The following DYSF variants were observed in gnomAD, a reference collection of about 807,000 sequenced individuals.
The protein encoded by DYSF is dystrophy-associated fer-1-like 1.
A neutral mutation model predicts 274.9 loss-of-function variants in DYSF; 212 were observed. That is an observed-to-expected ratio of 0.77 (90% CI 0.69 to 0.86). The LOEUF is 0.86. Ranked by LOEUF, DYSF falls within the 40% of genes least tolerant of loss-of-function variation. The pLI is 0.00. For synonymous variants in DYSF, 1,091 were observed against 1,078.7 expected (o/e 1.01, Z -0.22); for missense variants, 2,666 against 2,783.2 (o/e 0.96, Z 0.95).
intron 14 of DYSF, among the ~76,000 whole-genome samples, chr2:71,532,252 G>T (rs2088817328): frequency 6.6e-6 from 1 of 152,182 alleles, no homozygotes; most frequent in South Asian, 2.1e-4. Flanking sequence ...TCAGCATACA[G>T]GAATCTTTGT....
At chr2:71,618,568 T>TTTGTGTGGGGTACAGTTGTGTG (rs2093996974) in intron 40 of DYSF, among the ~76,000 whole-genome samples, 1 of 17,566 alleles carries the variant, frequency 5.7e-5, no homozygotes, top group African/African-American at 2.7e-4. Context: ...GAGTGTGTGT[T>TTTGTGTGGGGTACAGTTGTGTG]TGTGTGGGGT....
intron 9 of DYSF, 96 bp downstream of exon 9, chr2:71,516,338 G>C: frequency 1.6e-6 from 2 of 1,235,270 alleles, no homozygotes; most frequent in South Asian, 2.4e-5. Flanking sequence ...GTGTGCATGT[G>C]CACGTCAGTG....
intron 36 of DYSF, among the ~76,000 whole-genome samples, chr2:71,605,950 C>G (rs945515600): frequency 6.6e-6 from 1 of 152,286 alleles, no homozygotes; most frequent in African/African-American, 2.4e-5. Flanking sequence ...CTGGCTGCCC[C>G]CTGCCTGGAG....
At chr2:71,618,530 GGT>G (rs2093992700) in intron 40 of DYSF, among the ~76,000 whole-genome samples, 1 of 149,954 alleles carries the variant, frequency 6.7e-6, no homozygotes, top group African/African-American at 2.4e-5. Flanking sequence ...GTGTGGTAGA[GGT>G]GGGGTGTGTG....
At chr2:71,467,364 C>T (rs1486070457) in intron 1 of DYSF, among the ~76,000 whole-genome samples, 1 of 151,800 alleles carries the variant, frequency 6.6e-6, no homozygotes. Context: ...ATTCATTCAC[C>T]CATCTTTATC....
intron 1 of DYSF, among the ~76,000 whole-genome samples, chr2:71,467,832 C>A (rs1474732445): frequency 2.0e-5 from 3 of 152,128 alleles, no homozygotes; most frequent in Non-Finnish European, 4.4e-5. Context: ...ATCTACGTAT[C>A]AGAAAAGATA....
chr2:71,571,742 GAT>G (rs1297376437), intron 29 of DYSF, among the ~76,000 whole-genome samples: 151 of 119,704 alleles, frequency 1.3e-3, no homozygotes, highest in Admixed American at 1.4e-3. Context: ...CACACACACA[GAT>G]CACAGTCAGC....
At chr2:71,569,014 A>G (rs1229197499) in intron 26 of DYSF, among the ~76,000 whole-genome samples, 1 of 152,010 alleles carries the variant, frequency 6.6e-6, no homozygotes, top group Non-Finnish European at 1.5e-5. Context: ...CTGGGACTAC[A>G]GCTGCCTGCC....
At chr2:71,644,124 C>T (rs1396713364) in intron 42 of DYSF, 61 bp downstream of exon 42, 1 of 1,365,450 alleles carries the variant, frequency 7.3e-7, no homozygotes, top group Non-Finnish European at 1.0e-6. Context: ...GTGGGAGACA[C>T]AACAGAAAGA....
chr2:71,552,890 TC>T (rs2091049272), intron 19 of DYSF, 120 bp from the exon 20 acceptor site: 1 of 996,892 alleles, frequency 1.0e-6, no homozygotes, highest in Non-Finnish European at 1.6e-6. Context: ...CACCCGTCAG[TC>T]CAGCCAGGAG....
intron 41 of DYSF, among the ~76,000 whole-genome samples, chr2:71,631,874 G>A (rs1011433168): frequency 2.6e-5 from 4 of 152,048 alleles, no homozygotes; most frequent in Non-Finnish European, 5.9e-5. Flanking sequence ...ACAGCCTGGG[G>A]TGAAACTTGT....
At chr2:71,647,907 G>A (rs1488345491) in intron 42 of DYSF, among the ~76,000 whole-genome samples, 1 of 152,196 alleles carries the variant, frequency 6.6e-6, no homozygotes, top group Admixed American at 6.5e-5. Context: ...CCGTGGATAC[G>A]GAAACTTTGG....
At chr2:71,672,100 G>A (rs938325070) in intron 51 of DYSF, among the ~76,000 whole-genome samples, 2 of 150,468 alleles carry the variant, frequency 1.3e-5, no homozygotes, top group Admixed American at 1.3e-4. Context: ...GGCGGAGAAG[G>A]TCAGAAGAGG....
intron 1 of DYSF, among the ~76,000 whole-genome samples, chr2:71,475,886 A>G (rs1474720935): frequency 6.6e-6 from 1 of 152,138 alleles, no homozygotes; most frequent in Non-Finnish European, 1.5e-5. Flanking sequence ...CTCCCACCTC[A>G]GCATCTCGAG....
At position 71,656,183 on chromosome 2, in the gene DYSF, A is replaced by G. The variant is rs1572994302; in HGVS notation, c.4648A>G (p.Asn1550Asp). 6.2e-7 allele frequency: 1 copy of G among 1,613,938 alleles called. No individual in the cohort carries two copies. The highest frequency in any genetic ancestry group is 8.5e-7 in the Non-Finnish European group (1 of 1,179,998). ...TLKVYDTQLE[N>D]VEAFEGLSDF... The stretch of plus-strand genomic sequence containing the variant: ...GCAGGTCTATGACACACAGCTGGAG[A>G]ATGTGGAGGCCTTTGAGGGCCTGTC... Residue 1550 changes from asparagine (N) to aspartate (D), a missense_variant, in exon 43 of 56, where the codon AAT becomes GAT. Around this residue, in one of 3 missense-constraint regions of DYSF, gnomAD observed 1,460 missense variants for 1,502.1 expected, o/e 0.97. Coordinates refer to ENST00000410020, the MANE Select transcript of DYSF (RefSeq NM_001130987.2).
intron 1 of DYSF, among the ~76,000 whole-genome samples, chr2:71,469,402 G>A (rs1288173329): frequency 6.6e-6 from 1 of 152,006 alleles, no homozygotes; most frequent in African/African-American, 2.4e-5. Flanking sequence ...GGGGCCCCAG[G>A]CATAGGTGTT....
chr2:71,634,270 C>T (rs182881282), intron 41 of DYSF, among the ~76,000 whole-genome samples: 1 of 152,218 alleles, frequency 6.6e-6, no homozygotes, highest in Admixed American at 6.5e-5. Context: ...TGCCATGTTC[C>T]AAAACTGGAT....
intron 16 of DYSF, 38 bp downstream of exon 16, chr2:71,535,349 C>G: frequency 6.3e-7 from 1 of 1,598,572 alleles, no homozygotes; most frequent in Non-Finnish European, 8.6e-7. Flanking sequence ...GGCGGGCTGT[C>G]CTGAGGGGGC....
chr2:71,682,715 G>A, intron 55 of DYSF, 38 bp downstream of exon 55: 1 of 1,596,336 alleles, frequency 6.3e-7, no homozygotes, highest in Non-Finnish European at 8.5e-7. Context: ...GGGGAACTCT[G>A]GGTCTAATGG....
Sources: allele counts gnomAD v4.1 joint callset (sites outside exome capture counted in the v4.1 genomes callset), GRCh38; gene constraint gnomAD v4.1.1; regional missense constraint gnomAD v4.1.1; transcripts MANE v1.5; gene names NCBI Gene and HGNC (gene_info 2026-07-23, HGNC 2026-07-21).